Variants in CAMK1D observed in about 807,000 individuals in gnomAD.
The protein encoded by CAMK1D is calcium/calmodulin dependent protein kinase ID, also known as calcium/calmodulin-dependent protein kinase type 1D.
A neutral mutation model predicts 47.7 loss-of-function variants in CAMK1D; 9 were observed. That is an observed-to-expected ratio of 0.19 (90% CI 0.11 to 0.33). The LOEUF (loss-of-function observed/expected upper bound fraction) is 0.33. CAMK1D is among the 10% of genes least tolerant of loss of function. CAMK1D has a pLI of 1.00. For missense variants in CAMK1D, 291 were observed against 488.7 expected (o/e 0.60, Z 3.81); for synonymous variants, 184 against 184.9 (o/e 0.99, Z 0.04).
intron 1 of CAMK1D, among the ~76,000 whole-genome samples, chr10:12,398,729 AAGG>A (rs1318393023): frequency 2.0e-5 from 3 of 152,324 alleles, no homozygotes; most frequent in East Asian, 1.9e-4. Context: ...TGATAAATAA[AAGG>A]AGAATATAGA....
In CAMK1D at chr10:12,402,108, C is replaced by T. The variant is rs538313648; in HGVS notation, c.92+52198C>T. ...TTTTTGAGATGGAGTCTCGCTCTGT[C>T]GCCTTGTGTTTTTAATAGAGACAGG... On this transcript the variant is annotated intron_variant, in intron 1 of 10. Coordinates refer to ENST00000619168, the MANE Select transcript of CAMK1D (RefSeq NM_153498.4). Among the ~76,000 whole-genome samples the T allele has an allele frequency of 4.8e-4, 73 of 151,300 alleles. 1 individual carries two copies. The highest frequency in any genetic ancestry group is 1.4e-3 in the African/African-American group (58 of 41,182).
At chr10:12,505,721 G>A (rs1048410943) in intron 1 of CAMK1D, among the ~76,000 whole-genome samples, 4 of 152,238 alleles carry the variant, frequency 2.6e-5, no homozygotes, top group Admixed American at 6.5e-5. Context: ...TCTCAGAGCA[G>A]TCAGATCTCT....
At chr10:12,666,247 A>G (rs1287751518) in intron 2 of CAMK1D, among the ~76,000 whole-genome samples, 3 of 152,008 alleles carry the variant, frequency 2.0e-5, no homozygotes, top group African/African-American at 7.2e-5. Context: ...ACCCATGGAC[A>G]TGCCAGAGAA....
intron 4 of CAMK1D, among the ~76,000 whole-genome samples, chr10:12,765,922 C>T (rs1836733315): frequency 6.7e-6 from 1 of 149,830 alleles, no homozygotes; most frequent in South Asian, 2.1e-4. Context: ...GTGCCATTTC[C>T]ATAGGGCATG....
chr10:12,730,539 T>C (rs1398756394), intron 3 of CAMK1D, among the ~76,000 whole-genome samples: 1 of 152,160 alleles, frequency 6.6e-6, no homozygotes, highest in African/African-American at 2.4e-5. Flanking sequence ...TGTATTGATT[T>C]GAACCTTCAT....
At chr10:12,360,074 C>G (rs528579886) in intron 1 of CAMK1D, among the ~76,000 whole-genome samples, 2 of 152,274 alleles carry the variant, frequency 1.3e-5, no homozygotes, top group African/African-American at 4.8e-5. Context: ...TCTTGATTTA[C>G]TGGTGCCTCT....
At chr10:12,442,050 T>G (rs1029927536) in intron 1 of CAMK1D, among the ~76,000 whole-genome samples, 5 of 152,180 alleles carry the variant, frequency 3.3e-5, no homozygotes, top group African/African-American at 1.2e-4. Context: ...TAAAAGACAA[T>G]CTCTTTGATG....
chr10:12,798,784 G>A (rs1164078260), intron 6 of CAMK1D, among the ~76,000 whole-genome samples: 1 of 152,194 alleles, frequency 6.6e-6, no homozygotes, highest in Non-Finnish European at 1.5e-5. Flanking sequence ...TCTCAAACTT[G>A]GGGATGGGGA....
chr10:12,434,450 C>T (rs779083820), intron 1 of CAMK1D, among the ~76,000 whole-genome samples: 4 of 152,130 alleles, frequency 2.6e-5, no homozygotes, highest in Non-Finnish European at 5.9e-5. Context: ...ACCCTAGTGA[C>T]CAGGAACGGG....
At chr10:12,686,527 T>C (rs1475159555) in intron 3 of CAMK1D, among the ~76,000 whole-genome samples, 1 of 152,048 alleles carries the variant, frequency 6.6e-6, no homozygotes, top group East Asian at 1.9e-4. Context: ...TTTCACCATG[T>C]TGGTCGGGCT....
intron 3 of CAMK1D, among the ~76,000 whole-genome samples, chr10:12,747,221 G>A (rs954288600): frequency 2.0e-5 from 3 of 151,934 alleles, no homozygotes; most frequent in African/African-American, 7.3e-5. Flanking sequence ...TAGTAGAGAC[G>A]GGGTTTCACC....
At chr10:12,637,711 A>G (rs1409513892) in intron 2 of CAMK1D, among the ~76,000 whole-genome samples, 2 of 152,188 alleles carry the variant, frequency 1.3e-5, no homozygotes, top group African/African-American at 4.8e-5. Flanking sequence ...TCTGTTGAAG[A>G]ACATGGTGAG....
chr10:12,514,312 T>A (rs949796524), intron 1 of CAMK1D, among the ~76,000 whole-genome samples: 1 of 152,218 alleles, frequency 6.6e-6, no homozygotes, highest in Admixed American at 6.5e-5. Context: ...TTATGCAAAT[T>A]CGGTAGCAAT....
chr10:12,356,721 CAAAAA>C (rs71384311), intron 1 of CAMK1D, among the ~76,000 whole-genome samples: 7 of 74,984 alleles, frequency 9.3e-5, no homozygotes, highest in African/African-American at 2.1e-4. Context: ...GACTCCATTT[CAAAAA>C]AAAAAAAAAA....
At chr10:12,379,188 T>C (rs1838273261) in intron 1 of CAMK1D, among the ~76,000 whole-genome samples, 1 of 152,218 alleles carries the variant, frequency 6.6e-6, no homozygotes. Context: ...TCCTAAAATA[T>C]GGTGGCCTGC....
At chr10:12,659,232 T>C (rs1356779436) in intron 2 of CAMK1D, among the ~76,000 whole-genome samples, 1 of 152,190 alleles carries the variant, frequency 6.6e-6, no homozygotes, top group Non-Finnish European at 1.5e-5. Context: ...ATGCCAGTTG[T>C]TTGAACTTTC....
intron 1 of CAMK1D, among the ~76,000 whole-genome samples, chr10:12,525,492 T>A (rs1254620948): frequency 6.6e-6 from 1 of 152,192 alleles, no homozygotes; most frequent in African/African-American, 2.4e-5. Flanking sequence ...TCATCTACGT[T>A]TTGTTATTTT....
chr10:12,748,254 A>G (rs1036833971), intron 3 of CAMK1D, among the ~76,000 whole-genome samples: 40 of 152,200 alleles, frequency 2.6e-4, no homozygotes, highest in Admixed American at 2.6e-4. Flanking sequence ...TCAATAAGAA[A>G]TAGATTTCTC....
chr10:12,382,503 A>G (rs943990488), intron 1 of CAMK1D, among the ~76,000 whole-genome samples: 1 of 152,146 alleles, frequency 6.6e-6, no homozygotes, highest in Non-Finnish European at 1.5e-5. Context: ...AAATGCTAAT[A>G]CTGTTTAGAA....
Sources: gnomAD v4.1 joint callset for allele counts (sites outside exome capture counted in the v4.1 genomes callset) on GRCh38, gnomAD v4.1.1 for gene constraint, MANE v1.5 for transcripts, NCBI Gene and HGNC (gene_info 2026-07-23, HGNC 2026-07-21) for gene names.